CADPS2: variants seen among roughly 807,000 people sequenced by gnomAD.
CADPS2 encodes the protein calcium dependent secretion activator 2.
CADPS2 carries 93 observed loss-of-function variants against 172.5 expected under a neutral mutation model. The ratio of observed to expected loss-of-function variants is 0.54; its 90% confidence interval spans 0.46 to 0.64. CADPS2 has a LOEUF of 0.64. CADPS2 is among the 30% of genes least tolerant of loss of function. The probability of loss-of-function intolerance (pLI) is 0.00; values close to 1 mark genes in which losing one functional copy is unlikely to be tolerated. For synonymous variants in CADPS2, 546 were observed against 555.2 expected, an observed-to-expected ratio of 0.98 and a Z score of 0.23; for missense variants, 1,420 against 1,565.9, an observed-to-expected ratio of 0.91 and a Z score of 1.57.
chr7:122,480,963 C>G, intron 11 of CADPS2, 103 bp from the exon 12 acceptor site: 1 of 962,498 alleles, frequency 1.0e-6, no homozygotes, highest in Middle Eastern at 2.4e-4. Flanking sequence ...TCAATTTCTA[C>G]TCATGATTTT....
At chr7:122,457,273 C>G (rs1359312734) in intron 14 of CADPS2, among the ~76,000 whole-genome samples, 1 of 152,184 alleles carries the variant, frequency 6.6e-6, no homozygotes, top group African/African-American at 2.4e-5. Context: ...ATATTCAGAT[C>G]TGTGCAAACC....
intron 9 of CADPS2, among the ~76,000 whole-genome samples, chr7:122,497,177 T>TA (rs201372995): frequency 4.3e-4 from 66 of 151,738 alleles, no homozygotes; most frequent in East Asian, 3.9e-3. Context: ...CTGGTAAATT[T>TA]AAAAAAAAAT....
At chr7:122,417,102 A>G (rs2048016428) in intron 17 of CADPS2, among the ~76,000 whole-genome samples, 1 of 152,192 alleles carries the variant, frequency 6.6e-6, no homozygotes, top group African/African-American at 2.4e-5. Flanking sequence ...TTTTCCTACA[A>G]TAGTTTTCCC....
At chr7:122,720,427 T>C (rs535013845) in intron 2 of CADPS2, among the ~76,000 whole-genome samples, 1 of 149,238 alleles carries the variant, frequency 6.7e-6, no homozygotes, top group South Asian at 2.2e-4. Flanking sequence ...TTTGTATATA[T>C]ATATACATAT....
chr7:122,364,135 G>A (rs2040542036), intron 25 of CADPS2, among the ~76,000 whole-genome samples: 1 of 152,146 alleles, frequency 6.6e-6, no homozygotes, highest in Non-Finnish European at 1.5e-5. Context: ...AAGGGTTCAG[G>A]TGTGGTGGCT....
At chr7:122,664,369 A>T (rs1183535524) in intron 2 of CADPS2, among the ~76,000 whole-genome samples, 1 of 152,188 alleles carries the variant, frequency 6.6e-6, no homozygotes, top group African/African-American at 2.4e-5. Flanking sequence ...GGAGGCTTGG[A>T]AAGCAATACC....
At chr7:122,862,503 C>A (rs1274789323) in intron 1 of CADPS2, among the ~76,000 whole-genome samples, 1 of 152,110 alleles carries the variant, frequency 6.6e-6, no homozygotes, top group Non-Finnish European at 1.5e-5. Flanking sequence ...CAGAAGGCCT[C>A]TCTCTCTCAT....
At chr7:122,355,582 T>TAAAA (rs11348437) in intron 27 of CADPS2, among the ~76,000 whole-genome samples, 1 of 142,308 alleles carries the variant, frequency 7.0e-6, no homozygotes, top group Non-Finnish European at 1.5e-5. Flanking sequence ...GCTGTCTTAT[T>TAAAA]AAAAAAAAAA....
At chr7:122,842,329 A>G (rs1183220134) in intron 1 of CADPS2, among the ~76,000 whole-genome samples, 2 of 152,194 alleles carry the variant, frequency 1.3e-5, no homozygotes, top group Non-Finnish European at 2.9e-5. Flanking sequence ...AGCAAATGAA[A>G]AAAATCTGGT....
intron 4 of CADPS2, among the ~76,000 whole-genome samples, chr7:122,627,795 A>G (rs551502376): frequency 9.9e-5 from 15 of 152,272 alleles, no homozygotes; most frequent in African/African-American, 3.4e-4. Flanking sequence ...CAGGTTCTTT[A>G]TTAGCTTTAG....
intron 9 of CADPS2, among the ~76,000 whole-genome samples, chr7:122,512,847 A>G (rs998920971): frequency 3.9e-5 from 6 of 152,098 alleles, no homozygotes; most frequent in Admixed American, 6.6e-5. Context: ...CGAGGTCAAA[A>G]CTGTCTTTAT....
At position 122,451,452 on chromosome 7, in the gene CADPS2, G is replaced by T; in HGVS notation, c.2210C>A (p.Ser737Ter). 6.3e-7 allele frequency: 1 copy of T among 1,582,844 alleles called. No homozygotes were observed. The highest frequency in any genetic ancestry group is 1.2e-5 in the South Asian group (1 of 84,464). ...GNRPDGIGTV[S>*]VEEKERFEEI... is the part of the protein sequence containing the mutation. ...CTCAAATCTTTCTTTTTCTTCCACT[G>T]AAACAGTCCCAATTCCATCAGGCCT... Residue 737 changes from serine to a stop codon, truncating the protein, a stop_gained, in exon 15 of 30, where the codon TCA becomes TAA. Coordinates refer to ENST00000449022, the MANE Select transcript of CADPS2 (RefSeq NM_017954.11). LOFTEE classifies it high-confidence loss of function.
chr7:122,358,023 G>A (rs965178672), intron 27 of CADPS2, among the ~76,000 whole-genome samples: 2 of 152,110 alleles, frequency 1.3e-5, no homozygotes, highest in South Asian at 4.1e-4. Context: ...TACATAGTAA[G>A]GCTATATTTA....
At chr7:122,479,685 A>G (rs2057069912) in intron 12 of CADPS2, among the ~76,000 whole-genome samples, 1 of 152,230 alleles carries the variant, frequency 6.6e-6, no homozygotes, top group African/African-American at 2.4e-5. Context: ...ACAGAAACCT[A>G]GAATTACAAA....
At chr7:122,558,331 T>A (rs2065285501) in intron 7 of CADPS2, among the ~76,000 whole-genome samples, 1 of 152,294 alleles carries the variant, frequency 6.6e-6, no homozygotes, top group South Asian at 2.1e-4. Context: ...TCCTTCTGTA[T>A]CCTAAATTCG....
chr7:122,863,713 T>C (rs571377489), intron 1 of CADPS2, among the ~76,000 whole-genome samples: 1 of 152,196 alleles, frequency 6.6e-6, no homozygotes, highest in East Asian at 1.9e-4. Flanking sequence ...TAGGAGGTTT[T>C]CAATTTGTAG....
chr7:122,714,858 T>C (rs187896888), intron 2 of CADPS2, among the ~76,000 whole-genome samples: 18 of 152,290 alleles, frequency 1.2e-4, no homozygotes, highest in African/African-American at 3.8e-4. Flanking sequence ...TCTTATCTCA[T>C]TTAAAATTCA....
At chr7:122,601,055 C>A (rs1410330298) in intron 6 of CADPS2, among the ~76,000 whole-genome samples, 1 of 152,008 alleles carries the variant, frequency 6.6e-6, no homozygotes, top group African/African-American at 2.4e-5. Context: ...TCATTAGAAT[C>A]ATATTCATAG....
At chr7:122,788,606 G>C (rs1022240688) in intron 1 of CADPS2, among the ~76,000 whole-genome samples, 3 of 152,158 alleles carry the variant, frequency 2.0e-5, no homozygotes, top group Non-Finnish European at 4.4e-5. Flanking sequence ...AGCTTTATAA[G>C]TGGTTTCTCT....
Sources: allele counts gnomAD v4.1 joint callset (sites outside exome capture counted in the v4.1 genomes callset), GRCh38; gene constraint gnomAD v4.1.1; transcripts MANE v1.5; gene names NCBI Gene and HGNC (gene_info 2026-07-23, HGNC 2026-07-21).